Variants in CDKAL1 observed in about 807,000 individuals in gnomAD.
CDKAL1 encodes threonylcarbamoyladenosine tRNA methylthiotransferase.
In CDKAL1, 32 loss-of-function variants were observed where a neutral mutation model predicts 68.2. The observed-to-expected ratio is 0.47, with a 90% CI of 0.35 to 0.63. CDKAL1 has a LOEUF of 0.63. Among genes scored for constraint, CDKAL1 ranks in the 30% least tolerant of loss-of-function variants. CDKAL1 has a pLI of 0.00. For missense variants in CDKAL1, 606 were observed against 696.7 expected, an observed-to-expected ratio of 0.87 and a Z score of 1.47; for synonymous variants, 234 against 244.3, an observed-to-expected ratio of 0.96 and a Z score of 0.39.
At chr6:20,888,286 C>G (rs1210723625) in intron 9 of CDKAL1, among the ~76,000 whole-genome samples, 2 of 151,474 alleles carry the variant, frequency 1.3e-5, no homozygotes, top group African/African-American at 4.9e-5. Flanking sequence ...TCATCCATGT[C>G]CCTACAAGGG....
At chr6:20,775,207 T>C (rs1775121119) in intron 7 of CDKAL1, among the ~76,000 whole-genome samples, 1 of 152,214 alleles carries the variant, frequency 6.6e-6, no homozygotes, top group Non-Finnish European at 1.5e-5. Flanking sequence ...CAGTTGATCT[T>C]GTCACACTGA....
chr6:20,750,297 C>A (rs1253189412), intron 6 of CDKAL1, among the ~76,000 whole-genome samples: 3 of 152,104 alleles, frequency 2.0e-5, no homozygotes, highest in African/African-American at 7.2e-5. Context: ...TCTCAAACTC[C>A]TGGGCTCAAG....
At chr6:21,109,753 C>A (rs557578428) in intron 13 of CDKAL1, among the ~76,000 whole-genome samples, 9 of 152,232 alleles carry the variant, frequency 5.9e-5, no homozygotes, top group Non-Finnish European at 8.8e-5. Context: ...GGTAGTGTTG[C>A]ATTTTTTTTT....
chr6:21,044,523 A>C (rs536692862), intron 11 of CDKAL1, among the ~76,000 whole-genome samples: 1 of 152,342 alleles, frequency 6.6e-6, no homozygotes, highest in South Asian at 2.1e-4. Context: ...CTAAGTTCAT[A>C]GCCCAAAACC....
chr6:20,923,861 G>T (rs1763066333), intron 9 of CDKAL1, among the ~76,000 whole-genome samples: 1 of 152,136 alleles, frequency 6.6e-6, no homozygotes, highest in African/African-American at 2.4e-5. Flanking sequence ...AAATACAAAA[G>T]ATTATCCAGG....
chr6:20,903,500 A>G (rs1762100363), intron 9 of CDKAL1, among the ~76,000 whole-genome samples: 1 of 152,148 alleles, frequency 6.6e-6, no homozygotes, highest in South Asian at 2.1e-4. Flanking sequence ...TGCTCCTTAT[A>G]TATTTACCGA....
At chr6:21,030,093 A>C (rs973405990) in intron 11 of CDKAL1, among the ~76,000 whole-genome samples, 1 of 152,224 alleles carries the variant, frequency 6.6e-6, no homozygotes, top group Admixed American at 6.5e-5. Context: ...CATCAATGAT[A>C]GACTGGACAA....
intron 13 of CDKAL1, among the ~76,000 whole-genome samples, chr6:21,189,063 C>T (rs1315815769): frequency 6.6e-6 from 1 of 152,104 alleles, no homozygotes; most frequent in Non-Finnish European, 1.5e-5. Context: ...TGGGATTTTG[C>T]CCCCAGCTGG....
At chr6:21,051,199 TAAAC>T (rs1299795289) in intron 11 of CDKAL1, among the ~76,000 whole-genome samples, 4 of 152,060 alleles carry the variant, frequency 2.6e-5, no homozygotes, top group Admixed American at 6.6e-5. Flanking sequence ...CAACAAAAAA[TAAAC>T]AAAATTAGCC....
intron 4 of CDKAL1, among the ~76,000 whole-genome samples, chr6:20,634,429 T>C (rs2127744456): frequency 6.6e-6 from 1 of 152,356 alleles, no homozygotes; most frequent in East Asian, 1.9e-4. Context: ...CAATTATGCA[T>C]ATGTACAGAT....
intron 13 of CDKAL1, among the ~76,000 whole-genome samples, chr6:21,184,619 A>AC (rs1777931393): frequency 6.6e-6 from 1 of 151,918 alleles, no homozygotes; most frequent in African/African-American, 2.4e-5. Context: ...AAAATATCTC[A>AC]CCTTAGGCCT....
chr6:20,662,922 G>A (rs747186904), intron 5 of CDKAL1, among the ~76,000 whole-genome samples: 4 of 152,066 alleles, frequency 2.6e-5, no homozygotes, highest in Non-Finnish European at 5.9e-5. Context: ...TTTATTTTTC[G>A]TACATATTGC....
chr6:20,902,336 CACACACACACACA>C (rs2150601642), intron 9 of CDKAL1, among the ~76,000 whole-genome samples: 1 of 150,778 alleles, frequency 6.6e-6, no homozygotes, highest in African/African-American at 2.5e-5. Context: ...CACACACACA[CACACACACACACA>C]CACACACACA....
intron 8 of CDKAL1, among the ~76,000 whole-genome samples, chr6:20,836,015 G>T (rs1462751234): frequency 6.6e-6 from 1 of 151,990 alleles, no homozygotes; most frequent in Non-Finnish European, 1.5e-5. Flanking sequence ...TCCTTCTCCT[G>T]GCTGTTGTAA....
At chr6:20,555,779 C>A (rs530091258) in intron 4 of CDKAL1, among the ~76,000 whole-genome samples, 1 of 151,602 alleles carries the variant, frequency 6.6e-6, no homozygotes, top group Non-Finnish European at 1.5e-5. Context: ...CCCGCCACCA[C>A]GCCCGGCTAA....
At chr6:21,005,869 G>T (rs1354776840) in intron 11 of CDKAL1, among the ~76,000 whole-genome samples, 2 of 152,154 alleles carry the variant, frequency 1.3e-5, no homozygotes, top group African/African-American at 4.8e-5. Context: ...GGGTAAAGGG[G>T]AATCTTTTGC....
At chr6:20,970,331 T>C (rs965076116) in intron 10 of CDKAL1, among the ~76,000 whole-genome samples, 2 of 152,206 alleles carry the variant, frequency 1.3e-5, no homozygotes, top group Non-Finnish European at 2.9e-5. Context: ...TCCATGTTCT[T>C]ACCAAGATTT....
intron 10 of CDKAL1, among the ~76,000 whole-genome samples, chr6:20,980,563 G>T (rs770522564): frequency 1.3e-5 from 2 of 152,114 alleles, no homozygotes; most frequent in Non-Finnish European, 2.9e-5. Context: ...ATTTCCTTTG[G>T]ATTGTTATTA....
At chr6:20,810,629 T>G (rs11966932) in intron 8 of CDKAL1, among the ~76,000 whole-genome samples, 296 of 17,992 alleles carry the variant, frequency 0.016, 3 homozygotes, top group African/African-American at 0.1. Context: ...TATGTATGGG[T>G]GTGTGTGTGT....
Sources: allele counts gnomAD v4.1 joint callset (sites outside exome capture counted in the v4.1 genomes callset), GRCh38; gene constraint gnomAD v4.1.1; transcripts MANE v1.5; gene names NCBI Gene and HGNC (gene_info 2026-07-23, HGNC 2026-07-21).